ST3GAL3: variants seen among roughly 807,000 people sequenced by gnomAD.
ST3GAL3 encodes the protein CMP-N-acetylneuraminate-beta-1,4-galactoside alpha-2,3-sialyltransferase.
In ST3GAL3, 21 loss-of-function variants were observed where a neutral mutation model predicts 50.1. The ratio of observed to expected loss-of-function variants is 0.42; its 90% confidence interval spans 0.30 to 0.60. The LOEUF is 0.60. ST3GAL3 is among the 20% of genes least tolerant of loss of function. ST3GAL3 has a pLI of 0.19. For missense variants in ST3GAL3, 353 were observed against 489.4 expected (o/e 0.72, Z 2.63); for synonymous variants, 183 against 190.0 (o/e 0.96, Z 0.30).
chr1:43,919,266 A>G (rs1383873614), intron 9 of ST3GAL3: 2 of 151,508 alleles, frequency 1.3e-5, no homozygotes, highest in Non-Finnish European at 2.9e-5. Flanking sequence ...TTTAGTAGAG[A>G]TGGAGTTTTG....
intron 9 of ST3GAL3, among the ~76,000 whole-genome samples, chr1:43,916,379 G>A (rs1571396840): frequency 6.6e-6 from 1 of 152,138 alleles, no homozygotes; most frequent in Admixed American, 6.6e-5. Context: ...AGATAGACTC[G>A]AACTTGATGA....
intron 1 of ST3GAL3, among the ~76,000 whole-genome samples, chr1:43,719,790 G>A (rs1206734911): frequency 6.6e-6 from 1 of 151,772 alleles, no homozygotes; most frequent in Non-Finnish European, 1.5e-5. Context: ...AAAATTAGCC[G>A]GGTATGGTGG....
intron 2 of ST3GAL3, among the ~76,000 whole-genome samples, chr1:43,790,605 T>C (rs1478711869): frequency 1.3e-5 from 2 of 151,498 alleles, no homozygotes. Context: ...ATGTAGAATA[T>C]ACAATCTTCA....
At position 43,747,842 on chromosome 1, in the gene ST3GAL3, AG is replaced by A. The variant is rs547277860; in HGVS notation, c.118+11464del. On this transcript the variant is annotated intron_variant, in intron 2 of 11. Transcript: ENST00000347631. ...GTGATCCGCTTGCCTTGGCCTCCCA[AG>A]GTGTTGGGATTACAGGTGTGAGTCA... Among the ~76,000 whole-genome samples, 1,435 of 151,946 alleles carry A rather than the reference AG, an allele frequency of 9.4e-3. 19 individuals are homozygous for A. The highest frequency in any genetic ancestry group is 0.033 in the African/African-American group (1,373 of 41,412).
chr1:43,876,429 GA>G (rs2074130156), intron 5 of ST3GAL3, among the ~76,000 whole-genome samples: 2 of 152,170 alleles, frequency 1.3e-5, no homozygotes, highest in African/African-American at 2.4e-5. Flanking sequence ...AGCAGACCCT[GA>G]GGGGAGAGAG....
chr1:43,777,007 G>C (rs907038682), intron 2 of ST3GAL3, among the ~76,000 whole-genome samples: 3 of 152,112 alleles, frequency 2.0e-5, no homozygotes, highest in African/African-American at 7.2e-5. Flanking sequence ...GTGAAAGGAG[G>C]AATGTCATAT....
intron 2 of ST3GAL3, among the ~76,000 whole-genome samples, chr1:43,777,762 C>T (rs1363507789): frequency 6.6e-6 from 1 of 152,130 alleles, no homozygotes; most frequent in African/African-American, 2.4e-5. Flanking sequence ...CAAATGGGAT[C>T]TAATTAAACT....
intron 9 of ST3GAL3, chr1:43,914,201 G>A (rs541227835): frequency 6.6e-6 from 1 of 152,328 alleles, no homozygotes; most frequent in African/African-American, 2.4e-5. Context: ...CAGACCAAGA[G>A]GGATTGTTTC....
intron 5 of ST3GAL3, chr1:43,851,647 G>T: frequency 1.6e-6 from 2 of 1,270,528 alleles, no homozygotes; most frequent in Non-Finnish European, 2.3e-6. Context: ...CCTCAACATC[G>T]CTGTCTTTGA....
intron 5 of ST3GAL3, chr1:43,850,598 G>A (rs569061539): frequency 4.0e-4 from 303 of 760,016 alleles, no homozygotes; most frequent in Non-Finnish European, 5.8e-4. Flanking sequence ...TCTTGTTGCA[G>A]GCAATAGAAC....
chr1:43,783,222 T>C (rs935745838), intron 2 of ST3GAL3, among the ~76,000 whole-genome samples: 1 of 152,354 alleles, frequency 6.6e-6, no homozygotes. Context: ...TCTGCTGTGC[T>C]GCACAGGTCC....
At chr1:43,793,918 A>G (rs771566277) in intron 3 of ST3GAL3, among the ~76,000 whole-genome samples, 20 of 152,112 alleles carry the variant, frequency 1.3e-4, no homozygotes, top group Non-Finnish European at 2.5e-4. Flanking sequence ...CCCCAACTCT[A>G]CAAAAATTTT....
chr1:43,743,543 C>A (rs1682029842), intron 2 of ST3GAL3: 1 of 417,916 alleles, frequency 2.4e-6, no homozygotes, highest in African/African-American at 2.1e-5. Context: ...AAGAGGGATA[C>A]ACCATTTAGT....
intron 2 of ST3GAL3, among the ~76,000 whole-genome samples, chr1:43,765,020 A>G (rs1291646237): frequency 1.3e-5 from 2 of 151,818 alleles, no homozygotes; most frequent in Non-Finnish European, 2.9e-5. Context: ...AAGAATAAAA[A>G]TAAAAATAAT....
At chr1:43,877,311 A>G (rs931107115) in intron 5 of ST3GAL3, among the ~76,000 whole-genome samples, 1 of 152,162 alleles carries the variant, frequency 6.6e-6, no homozygotes, top group East Asian at 1.9e-4. Context: ...GGCGATGATG[A>G]TGATTGTGAT....
intron 2 of ST3GAL3, among the ~76,000 whole-genome samples, chr1:43,752,303 G>A (rs1398990274): frequency 6.6e-6 from 1 of 152,126 alleles, no homozygotes; most frequent in East Asian, 1.9e-4. Context: ...GACTGCTCTT[G>A]TTCCATTTTG....
chr1:43,722,522 T>A (rs1374500202), intron 1 of ST3GAL3, among the ~76,000 whole-genome samples: 2 of 152,146 alleles, frequency 1.3e-5, no homozygotes, highest in Non-Finnish European at 2.9e-5. Flanking sequence ...GGAGAATGAA[T>A]TGGGCAGGGG....
chr1:43,815,012 C>G (rs1032308894), intron 4 of ST3GAL3, 79 bp downstream of exon 4: 25 of 1,399,712 alleles, frequency 1.8e-5, no homozygotes, highest in Non-Finnish European at 2.5e-5. Flanking sequence ...AGGGTCAGCT[C>G]TCATCACTCT....
intron 1 of ST3GAL3, 129 bp from the exon 2 acceptor site, chr1:43,736,104 G>A (rs1291866572): frequency 1.2e-6 from 1 of 852,644 alleles, no homozygotes. Context: ...GTTAGAAGAT[G>A]CCATGATATG....
Sources: gnomAD v4.1 joint callset for allele counts (sites outside exome capture counted in the v4.1 genomes callset) on GRCh38, gnomAD v4.1.1 for gene constraint, MANE v1.5 for transcripts, NCBI Gene and HGNC (gene_info 2026-07-23, HGNC 2026-07-21) for gene names.